The following GXYLT2 variants were observed in gnomAD, a reference collection of about 807,000 sequenced individuals.
GXYLT2 encodes glycosyltransferase 8 domain containing 4.
Under a neutral mutation model 45.8 loss-of-function variants are expected in GXYLT2, and 53 were observed. The ratio of observed to expected loss-of-function variants is 1.16; its 90% CI spans 0.93 to 1.46. The LOEUF (loss-of-function observed/expected upper bound fraction) is 1.46, where lower values mean the gene tolerates loss of function less well. Ranked by LOEUF, GXYLT2 falls within the 40% of genes most tolerant of loss-of-function variation. The pLI is 0.00. For missense variants in GXYLT2, 551 were observed against 544.4 expected (o/e 1.01, Z -0.12); for synonymous variants, 219 against 214.2 (o/e 1.02, Z -0.19).
intron 3 of GXYLT2, chr3:72,929,348 T>G: frequency 9.7e-7 from 1 of 1,029,376 alleles, no homozygotes; most frequent in Non-Finnish European, 1.5e-6. Context: ...TGCGATGGAG[T>G]GTGCATTACA....
chr3:72,952,340 G>C (rs1404745550), intron 3 of GXYLT2, among the ~76,000 whole-genome samples: 1 of 152,088 alleles, frequency 6.6e-6, no homozygotes, highest in Non-Finnish European at 1.5e-5. Context: ...AATGGTAGAT[G>C]ATCAGTATTT....
In GXYLT2 at chr3:72,922,194, T is replaced by C. The variant is rs753759593; in HGVS notation, c.469-10T>C. 1.2e-6 allele frequency: 2 copies of C among 1,610,972 alleles called. No individual in the cohort carries two copies. Among genetic ancestry groups the C allele is most frequent in the East Asian group, 4.5e-5 (2 of 44,812 alleles). ...CTAATCACCCTTCCCTTGCTTCCCA[T>C]GTTTTTCAGTTACGCCAGTGGCCTG... On this transcript the variant is annotated splice_polypyrimidine_tract_variant and intron_variant, in intron 2 of 6. Coordinates refer to ENST00000389617, the MANE Select transcript of GXYLT2 (RefSeq NM_001080393.2).
intron 3 of GXYLT2, among the ~76,000 whole-genome samples, chr3:72,951,545 C>T (rs1710525359): frequency 6.6e-6 from 1 of 152,176 alleles, no homozygotes; most frequent in Non-Finnish European, 1.5e-5. Context: ...AACTGAGGAA[C>T]TTGTCTGAAG....
intron 1 of GXYLT2, among the ~76,000 whole-genome samples, chr3:72,898,615 G>T (rs1709340727): frequency 1.3e-5 from 2 of 152,228 alleles, no homozygotes; most frequent in African/African-American, 4.8e-5. Context: ...GCAAAGGTCT[G>T]TTGTGGAGAT....
chr3:72,936,266 T>C (rs1479269145), intron 3 of GXYLT2, among the ~76,000 whole-genome samples: 2 of 143,140 alleles, frequency 1.4e-5, no homozygotes, highest in African/African-American at 5.3e-5. Context: ...CGCTCCAGCC[T>C]GGGTGACAGA....
At chr3:72,911,993 GTATATATA>G (rs1288910128) in intron 2 of GXYLT2, among the ~76,000 whole-genome samples, 2 of 122,938 alleles carry the variant, frequency 1.6e-5, no homozygotes, top group Admixed American at 1.6e-4. Flanking sequence ...GTGTGTGTGT[GTATATATA>G]TATATATATA....
chr3:72,900,368 C>T (rs1310749807), intron 1 of GXYLT2, among the ~76,000 whole-genome samples: 1 of 152,104 alleles, frequency 6.6e-6, no homozygotes. Flanking sequence ...GCCAGGACAA[C>T]TAGGGCAACG....
chr3:72,890,194 G>A (rs1187635087), intron 1 of GXYLT2, among the ~76,000 whole-genome samples: 1 of 145,954 alleles, frequency 6.9e-6, no homozygotes, highest in Non-Finnish European at 1.5e-5. Flanking sequence ...GATTACAGGC[G>A]TGAGCCACCG....
At chr3:72,969,915 A>AAAAAC (rs1710952959) in intron 6 of GXYLT2, among the ~76,000 whole-genome samples, 1 of 149,428 alleles carries the variant, frequency 6.7e-6, no homozygotes, top group South Asian at 2.1e-4. Flanking sequence ...ATTTGAAAAA[A>AAAAAC]AAAAAACAAA....
intron 1 of GXYLT2, among the ~76,000 whole-genome samples, chr3:72,892,614 T>C (rs1231231357): frequency 6.6e-6 from 1 of 152,188 alleles, no homozygotes; most frequent in African/African-American, 2.4e-5. Context: ...AGGAAGCATG[T>C]GTCTCATCAA....
chr3:72,931,494 G>T (rs1052954455), intron 3 of GXYLT2, among the ~76,000 whole-genome samples: 1 of 152,066 alleles, frequency 6.6e-6, no homozygotes, highest in Non-Finnish European at 1.5e-5. Context: ...CTCTCAAAGT[G>T]CTAGGATTAC....
In GXYLT2 at chr3:72,955,455, A is replaced by C. The variant is rs886246320; in HGVS notation, c.852+106A>C. ...GCTGATTTTGGAAATTGGGTGGCCT[A>C]TAGGTGAGGATAAAAGGAACCAGAG... is the stretch of plus-strand genomic sequence containing the variant. On this transcript the variant is annotated intron_variant, in intron 4 of 6. Coordinates refer to ENST00000389617, the MANE Select transcript of GXYLT2 (RefSeq NM_001080393.2). 3.1e-6 allele frequency: 3 copies of C among 955,454 alleles called. No individual in the cohort carries two copies. In the African/African-American group the frequency reaches 4.9e-5, roughly 16 times the overall value. The allele number at this position is 955,454 out of a possible 1,614,324, so 59.2% of individuals were successfully genotyped here.
At chr3:72,903,840 C>T (rs546065666) in intron 1 of GXYLT2, among the ~76,000 whole-genome samples, 30 of 152,314 alleles carry the variant, frequency 2.0e-4, no homozygotes, top group African/African-American at 7.0e-4. Context: ...CGTTACGACT[C>T]TTATTTTGAT....
At chr3:72,946,967 G>T (rs1453437778) in intron 3 of GXYLT2, among the ~76,000 whole-genome samples, 1 of 151,872 alleles carries the variant, frequency 6.6e-6, no homozygotes, top group Non-Finnish European at 1.5e-5. Flanking sequence ...AGGACTACAG[G>T]TGCACAGTAC....
intron 3 of GXYLT2, among the ~76,000 whole-genome samples, chr3:72,946,094 T>G (rs914850976): frequency 1.6e-4 from 25 of 151,804 alleles, no homozygotes; most frequent in African/African-American, 6.0e-4. Context: ...CCGGGCAACA[T>G]AGCGAGACCT....
intron 6 of GXYLT2, among the ~76,000 whole-genome samples, chr3:72,971,680 G>A (rs1257627137): frequency 6.6e-6 from 1 of 152,174 alleles, no homozygotes; most frequent in Non-Finnish European, 1.5e-5. Context: ...CAGGTGCGGT[G>A]GCTCACACCT....
At chr3:72,926,707 CTG>C (rs1709925326) in intron 3 of GXYLT2, among the ~76,000 whole-genome samples, 1 of 152,106 alleles carries the variant, frequency 6.6e-6, no homozygotes, top group African/African-American at 2.4e-5. Context: ...TCCTCAATAA[CTG>C]TGGTCTTCTG....
chr3:72,902,077 G>T (rs1227601729), intron 1 of GXYLT2, among the ~76,000 whole-genome samples: 2 of 151,600 alleles, frequency 1.3e-5, no homozygotes, highest in South Asian at 2.1e-4. Flanking sequence ...TGATGTATCA[G>T]TTTACCAGTT....
intron 5 of GXYLT2, among the ~76,000 whole-genome samples, chr3:72,962,501 AAG>A (rs1356213176): frequency 2.0e-5 from 3 of 152,178 alleles, no homozygotes; most frequent in African/African-American, 7.2e-5. Context: ...AATGAGAGAA[AAG>A]AGAAGTTCAG....
Sources: allele counts gnomAD v4.1 joint callset (sites outside exome capture counted in the v4.1 genomes callset), GRCh38; gene constraint gnomAD v4.1.1; transcripts MANE v1.5; gene names NCBI Gene and HGNC (gene_info 2026-07-23, HGNC 2026-07-21).